The following XPO6 variants were observed in gnomAD, a reference collection of about 807,000 sequenced individuals.
XPO6 encodes the protein exportin 6.
XPO6 carries 3 observed loss-of-function variants against 130.0 expected under a neutral mutation model. The ratio of observed to expected loss-of-function variants is 0.02; its 90% CI spans 0.01 to 0.06. The LOEUF is 0.06. Among genes scored for constraint, XPO6 ranks in the 10% least tolerant of loss-of-function variants. XPO6 has a pLI of 1.00. For synonymous variants in XPO6, 524 were observed against 548.9 expected, an observed-to-expected ratio of 0.95 and a Z score of 0.63; for missense variants, 970 against 1,393.0, an observed-to-expected ratio of 0.70 and a Z score of 4.83.
At chr16:28,104,801 C>T in intron 20 of XPO6, 94 bp from the exon 21 acceptor site, 4 of 1,420,376 alleles carry the variant, frequency 2.8e-6, no homozygotes, top group Non-Finnish European at 3.8e-6. Context: ...CGCCTCGTGA[C>T]AGCAAGCCGA....
At chr16:28,098,739 G>A in intron 23 of XPO6, 100 bp from the exon 24 acceptor site, 2 of 807,340 alleles carry the variant, frequency 2.5e-6, no homozygotes, top group Non-Finnish European at 3.8e-6. Context: ...CTGAAGATAG[G>A]GGAGCACTTT....
At chr16:28,164,370 G>A (rs2043323905) in intron 6 of XPO6, among the ~76,000 whole-genome samples, 1 of 152,204 alleles carries the variant, frequency 6.6e-6, no homozygotes, top group Non-Finnish European at 1.5e-5. Flanking sequence ...CAAAATGAAT[G>A]GTGATTGCAT....
Position 28,106,565 on chromosome 16 carries a change from C to T in XPO6, c.2498-68G>A, listed in dbSNP as rs1596782056. On this transcript the variant is annotated intron_variant, in intron 18 of 23. Coordinates refer to ENST00000304658, the MANE Select transcript of XPO6 (RefSeq NM_015171.4). The surrounding 1 kb of genome is among the most constrained non-coding windows in gnomAD (Gnocchi z 4.2). ...TGAGAACCAGAACCCTGGGCTTCAT[C>T]AACCTACTCCTGAAATCTGCACTAT... The T allele has an allele frequency of 7.9e-7, 1 of 1,262,642 alleles. No homozygotes were observed. Among genetic ancestry groups the T allele is most frequent in the East Asian group, 2.3e-5 (1 of 43,072 alleles). The allele number at this position is 1,262,642 out of a possible 1,614,324, so 78.2% of individuals were successfully genotyped here.
chr16:28,144,802 T>C (rs779256101), intron 9 of XPO6, among the ~76,000 whole-genome samples: 1 of 152,218 alleles, frequency 6.6e-6, no homozygotes, highest in Non-Finnish European at 1.5e-5. Flanking sequence ...CAACAACTAT[T>C]ATTTTCATCC....
chr16:28,163,096 T>C (rs753948503), intron 6 of XPO6, among the ~76,000 whole-genome samples: 14 of 152,036 alleles, frequency 9.2e-5, no homozygotes, highest in South Asian at 2.1e-4. Flanking sequence ...CACTGACAAA[T>C]ATCCCCTGCA....
At chr16:28,119,345 G>A (rs1316654733) in intron 14 of XPO6, among the ~76,000 whole-genome samples, 7 of 152,046 alleles carry the variant, frequency 4.6e-5, no homozygotes. Context: ...AGCAAACTCA[G>A]CATCAACAAT....
chr16:28,127,437 G>A (rs2141276384), intron 12 of XPO6, among the ~76,000 whole-genome samples: 1 of 152,316 alleles, frequency 6.6e-6, no homozygotes, highest in East Asian at 1.9e-4. Context: ...ATGTCCAGCA[G>A]CCAGCACAGC....
chr16:28,205,167 G>T (rs1285477366), intron 1 of XPO6, among the ~76,000 whole-genome samples: 2 of 152,110 alleles, frequency 1.3e-5, no homozygotes, highest in Non-Finnish European at 2.9e-5. Flanking sequence ...GCAATAACTG[G>T]CCAGGAAAGT....
chr16:28,204,756 C>T (rs776282755), intron 1 of XPO6, among the ~76,000 whole-genome samples: 2 of 152,148 alleles, frequency 1.3e-5, no homozygotes, highest in Non-Finnish European at 2.9e-5. Context: ...AGTGTCCCAG[C>T]GGCCAAGTGA....
chr16:28,157,056 G>A (rs1404025176), intron 6 of XPO6, among the ~76,000 whole-genome samples: 1 of 152,102 alleles, frequency 6.6e-6, no homozygotes, highest in Non-Finnish European at 1.5e-5. Context: ...AAAGTTAACA[G>A]AAGAAAATAT....
intron 2 of XPO6, among the ~76,000 whole-genome samples, chr16:28,178,358 C>A (rs2043564013): frequency 6.6e-6 from 1 of 151,894 alleles, no homozygotes; most frequent in Non-Finnish European, 1.5e-5. Context: ...TGCTTGAGGC[C>A]AGGAGTTGAA....
chr16:28,181,886 C>T (rs1214284251), intron 1 of XPO6, among the ~76,000 whole-genome samples: 2 of 152,122 alleles, frequency 1.3e-5, no homozygotes, highest in Non-Finnish European at 2.9e-5. Flanking sequence ...AGAGGCAGCT[C>T]AAGGCCCCCA....
At chr16:28,207,434 T>C (rs1182124303) in intron 1 of XPO6, among the ~76,000 whole-genome samples, 7 of 152,204 alleles carry the variant, frequency 4.6e-5, no homozygotes, top group African/African-American at 1.7e-4. Flanking sequence ...ACCTCTAACA[T>C]GTCACACCAC....
intron 9 of XPO6, among the ~76,000 whole-genome samples, chr16:28,143,355 T>TAA (rs1054286455): frequency 2.0e-5 from 3 of 152,234 alleles, no homozygotes; most frequent in Non-Finnish European, 4.4e-5. Context: ...ACTGAGTGCC[T>TAA]AATACATCTA....
intron 12 of XPO6, among the ~76,000 whole-genome samples, chr16:28,131,343 A>T (rs1324886752): frequency 6.6e-6 from 1 of 152,174 alleles, no homozygotes; most frequent in Non-Finnish European, 1.5e-5. Flanking sequence ...TCACAAGCTC[A>T]TCCAGGAGAT....
At chr16:28,180,292 G>A (rs1439154236) in intron 2 of XPO6, among the ~76,000 whole-genome samples, 5 of 152,180 alleles carry the variant, frequency 3.3e-5, no homozygotes, top group African/African-American at 1.2e-4. Flanking sequence ...TTGAACCCAG[G>A]AGGCGGAGGT....
At chr16:28,198,582 C>A (rs28490511) in intron 1 of XPO6, among the ~76,000 whole-genome samples, 1 of 151,970 alleles carries the variant, frequency 6.6e-6, no homozygotes, top group African/African-American at 2.4e-5. Context: ...AGCAGGAGGA[C>A]TGCTCGAGCC....
chr16:28,140,231 C>CAA (rs61153494), intron 9 of XPO6, among the ~76,000 whole-genome samples: 6 of 58,976 alleles, frequency 1.0e-4, no homozygotes, highest in African/African-American at 2.3e-4. Context: ...GACCCCATCT[C>CAA]AAAAAAAAAA....
Position 28,152,670 on chromosome 16 carries a change from T to C in XPO6, c.1213A>G (p.Thr405Ala), listed in dbSNP as rs1409710167. The C allele has an allele frequency of 1.9e-6, 3 of 1,611,958 alleles. No homozygotes were observed. The highest frequency in any genetic ancestry group is 2.5e-6 in the Non-Finnish European group (3 of 1,179,546). The change falls in exon 8 of 24, where the codon ACA becomes GCA. Residue 405 changes from threonine (T) to alanine (A), a missense_variant. Around this residue, in one of 4 missense-constraint regions of XPO6, gnomAD observed 936 missense variants for 1,306.8 expected, o/e 0.72. Transcript: ENST00000304658. ...VEFLTLLFKY[T>A]FHQPTHEGYF... ...CTTTGGTGCTTTACCTGATGAAATGTGTACTTGAACAAAAGTGTCAAAAAC... is the reference window on the plus strand; with the variant it reads ...CTTTGGTGCTTTACCTGATGAAATGCGTACTTGAACAAAAGTGTCAAAAAC...
Sources: allele counts gnomAD v4.1 joint callset (sites outside exome capture counted in the v4.1 genomes callset), GRCh38; gene constraint gnomAD v4.1.1; regional missense constraint gnomAD v4.1.1; non-coding constraint Gnocchi (gnomAD v3.1); transcripts MANE v1.5; gene names NCBI Gene and HGNC (gene_info 2026-07-23, HGNC 2026-07-21).